RREB1: variants seen among roughly 807,000 people sequenced by gnomAD.
RREB1 encodes the protein ras responsive element binding protein 1.
A neutral mutation model predicts 117.8 loss-of-function variants in RREB1; 27 were observed. The ratio of observed to expected loss-of-function variants is 0.23; its 90% CI spans 0.17 to 0.32. The LOEUF (loss-of-function observed/expected upper bound fraction) is 0.32, where lower values mean the gene tolerates loss of function less well. Among genes scored for constraint, RREB1 ranks in the 10% least tolerant of loss-of-function variants. The pLI, the probability that RREB1 is intolerant of heterozygous loss-of-function variation, is 1.00. For synonymous variants in RREB1, 1,298 were observed against 1,026.7 expected, an observed-to-expected ratio of 1.26 and a Z score of -5.05; for missense variants, 2,577 against 2,378.2, an observed-to-expected ratio of 1.08 and a Z score of -1.74.
intron 1 of RREB1, among the ~76,000 whole-genome samples, chr6:7,118,938 T>A (rs922682425): frequency 6.7e-6 from 1 of 149,270 alleles, no homozygotes; most frequent in Non-Finnish European, 1.5e-5. Context: ...CGTGAGCCAC[T>A]GCACCTGGCC....
At position 7,231,801 on chromosome 6, in the gene RREB1, C is replaced by T. The variant is rs780201436; in HGVS notation, c.3702C>T (p.Ala1234=). The part of the protein sequence containing the change: ...GSPPEDKLLR[A]KRNSYTNCLQ... Reference sequence around the variant, plus strand: ...CCCCAGAAGACAAGCTGCTGAGGGCCAAGCGGAACTCGTACACCAACTGCC... The same window carrying T: ...CCCCAGAAGACAAGCTGCTGAGGGCTAAGCGGAACTCGTACACCAACTGCC... The change falls in exon 10 of 13, where the codon GCC becomes GCT. Residue 1234 remains alanine (A), a synonymous_variant. Transcript: ENST00000379938. 1.9e-6 allele frequency: 3 copies of T among 1,613,608 alleles called. No homozygotes were observed. Among genetic ancestry groups the T allele is most frequent in the East Asian group, 4.5e-5 (2 of 44,878 alleles).
At position 7,181,984 on chromosome 6, in the gene RREB1, A is replaced by G. The variant is rs757046603; in HGVS notation, c.73A>G (p.Met25Val). ...SSINTMMSAV[M>V]SVGKVTENGG... ...CATCAACACCATGATGTCGGCGGTC[A>G]TGAGTGTAGGGAAGGTCACAGAGAA... Residue 25 changes from methionine (M) to valine (V), a missense_variant, in exon 4 of 13, where the codon ATG becomes GTG. Coordinates refer to ENST00000379938, the MANE Select transcript of RREB1 (RefSeq NM_001003699.4). 7.4e-6 allele frequency: 12 copies of G among 1,614,096 alleles called. No homozygotes were observed. Among genetic ancestry groups the G allele is most frequent in the African/African-American group, 1.3e-5 (1 of 74,942 alleles).
intron 1 of RREB1, among the ~76,000 whole-genome samples, chr6:7,143,263 T>C (rs952856873): frequency 6.6e-6 from 1 of 152,230 alleles, no homozygotes; most frequent in African/African-American, 2.4e-5. Context: ...GGCTCATTAA[T>C]TTTTTAAGAA....
intron 1 of RREB1, among the ~76,000 whole-genome samples, chr6:7,143,629 C>G (rs977619142): frequency 2.0e-5 from 3 of 152,170 alleles, no homozygotes; most frequent in Non-Finnish European, 2.9e-5. Context: ...GCCTGTGCTT[C>G]TAACTGAATT....
chr6:7,111,794 G>C (rs1761158834), intron 1 of RREB1, among the ~76,000 whole-genome samples: 1 of 152,202 alleles, frequency 6.6e-6, no homozygotes, highest in Admixed American at 6.5e-5. Flanking sequence ...ACTATTACCA[G>C]TGTGTTCAGG....
intron 1 of RREB1, among the ~76,000 whole-genome samples, chr6:7,168,254 GAAAA>G (rs574593859): frequency 1.5e-4 from 11 of 72,940 alleles, no homozygotes; most frequent in Admixed American, 8.1e-4. Context: ...GACTCCGTCT[GAAAA>G]AAAAAAAAAA....
chr6:7,183,530 T>A (rs544248544), intron 4 of RREB1: 68 of 152,250 alleles, frequency 4.5e-4, no homozygotes, highest in African/African-American at 1.6e-3. Context: ...CTCAAATAGC[T>A]CTGAGTTGTC....
chr6:7,159,546 T>C (rs992904890), intron 1 of RREB1, among the ~76,000 whole-genome samples: 1 of 152,216 alleles, frequency 6.6e-6, no homozygotes, highest in African/African-American at 2.4e-5. Flanking sequence ...TTAACGAATG[T>C]TCACTGGGTT....
chr6:7,190,150 T>TA (rs1429264662), intron 6 of RREB1, among the ~76,000 whole-genome samples: 24 of 152,236 alleles, frequency 1.6e-4, no homozygotes, highest in Admixed American at 1.4e-3. Context: ...GACATACTGA[T>TA]ACAGCGGTTA....
intron 1 of RREB1, among the ~76,000 whole-genome samples, chr6:7,163,481 T>C (rs1187380307): frequency 6.6e-6 from 1 of 152,096 alleles, no homozygotes; most frequent in South Asian, 2.1e-4. Flanking sequence ...AAGCTCTACC[T>C]CCTGGGTTCA....
At chr6:7,184,400 A>G (rs1216225818) in intron 4 of RREB1, 1 of 143,650 alleles carries the variant, frequency 7.0e-6, no homozygotes, top group Non-Finnish European at 1.5e-5. Context: ...TTGCTGTGAT[A>G]TCTGGCTTTT....
At chr6:7,242,641 T>TC (rs1768774277) in intron 11 of RREB1, among the ~76,000 whole-genome samples, 1 of 101,010 alleles carries the variant, frequency 9.9e-6, no homozygotes, top group South Asian at 3.8e-4. Context: ...TCATTCTGGG[T>TC]TCCCCCCCCC....
At position 7,182,025 on chromosome 6, in the gene RREB1, G is replaced by C. The variant is rs201603390; in HGVS notation, c.114G>C (p.Gln38His). The C allele has an allele frequency of 8.3e-5, 134 of 1,614,166 alleles. No individual in the cohort carries two copies. Among genetic ancestry groups the C allele is most frequent in the Non-Finnish European group, 1.2e-5 (14 of 1,180,032 alleles). Residue 38 changes from glutamine to histidine, a missense_variant, in exon 4 of 13, where the codon CAG becomes CAC. Gln to His is a conservative substitution (Grantham distance 24). Transcript: ENST00000379938. ...TCACAGAGAATGGCGGGAGCCCCCA[G>C]GGGATCAAGTCCCCCTCGAAGCCTC... ...GKVTENGGSP[Q>H]GIKSPSKPPG...
intron 1 of RREB1, among the ~76,000 whole-genome samples, chr6:7,151,203 G>A (rs1763107870): frequency 6.6e-6 from 1 of 152,114 alleles, no homozygotes; most frequent in Admixed American, 6.5e-5. Context: ...AATGCAATCA[G>A]TCTGCTTTAA....
At chr6:7,164,117 A>C (rs1448011999) in intron 1 of RREB1, among the ~76,000 whole-genome samples, 1 of 151,754 alleles carries the variant, frequency 6.6e-6, no homozygotes, top group African/African-American at 2.4e-5. Flanking sequence ...GCCCTGTCTG[A>C]CTCATCTATT....
At chr6:7,176,493 A>G (rs112917677) in intron 1 of RREB1, among the ~76,000 whole-genome samples, 162 bp from the exon 2 acceptor site, 26 of 152,204 alleles carry the variant, frequency 1.7e-4, no homozygotes, top group Admixed American at 1.6e-3. Context: ...TAATGGGACA[A>G]CTCTGGATGG....
At chr6:7,109,289 CG>C in intron 1 of RREB1, among the ~76,000 whole-genome samples, 1 of 151,988 alleles carries the variant, frequency 6.6e-6, no homozygotes, top group East Asian at 2.0e-4. Flanking sequence ...AGCCTTGGGC[CG>C]GGCCCCCCGC....
chr6:7,201,257 A>G (rs1765961352), intron 6 of RREB1, among the ~76,000 whole-genome samples: 1 of 152,242 alleles, frequency 6.6e-6, no homozygotes, highest in Admixed American at 6.5e-5. Flanking sequence ...AGCAAAGTCA[A>G]GAGGGAGCCT....
In RREB1 at chr6:7,199,168, C is replaced by T. The variant is rs564261855; in HGVS notation, c.425+9846C>T. 7.2e-5 allele frequency among the ~76,000 whole-genome samples: 11 copies of T among 152,258 alleles called. No homozygotes were observed. The East Asian group carries it at 1.7e-3, about 24-fold the overall frequency. On this transcript the variant is annotated intron_variant, in intron 6 of 12. Coordinates refer to ENST00000379938, the MANE Select transcript of RREB1 (RefSeq NM_001003699.4). ...GTGCTTCTGAGTCCTCTGATAGCTC[C>T]GCCTAACTTTTCTGGCCAGGGCTGA...
Sources: gnomAD v4.1 joint callset for allele counts (sites outside exome capture counted in the v4.1 genomes callset) on GRCh38, gnomAD v4.1.1 for gene constraint, MANE v1.5 for transcripts, NCBI Gene and HGNC (gene_info 2026-07-23, HGNC 2026-07-21) for gene names.